The following NOP14 variants were observed in gnomAD, a reference collection of about 807,000 sequenced individuals.
The protein encoded by NOP14 is nucleolar protein 14.
NOP14 carries 57 observed loss-of-function variants against 101.6 expected under a neutral mutation model. The observed-to-expected ratio is 0.56, with a 90% CI of 0.45 to 0.70. The LOEUF (loss-of-function observed/expected upper bound fraction) is 0.70, where lower values mean the gene tolerates loss of function less well. Among genes scored for constraint, NOP14 ranks in the 30% least tolerant of loss-of-function variants. The pLI, the probability that NOP14 is intolerant of heterozygous loss-of-function variation, is 0.00. For synonymous variants in NOP14, 428 were observed against 424.0 expected (o/e 1.01, Z -0.12); for missense variants, 1,134 against 1,075.5 (o/e 1.05, Z -0.76).
Position 2,947,605 on chromosome 4 carries a change from A to C in NOP14, c.1420T>G (p.Phe474Val). 6.2e-7 allele frequency: 1 copy of C among 1,613,586 alleles called. No individual in the cohort carries two copies. Among genetic ancestry groups the C allele is most frequent in the South Asian group, 1.1e-5 (1 of 91,080 alleles). ...CCAACGTATTCCAAAAGAAAGCCAA[A>C]CAGTTTCTGCAGGAACATGAATTGG... ...EGNKAKLEKL[F>V]GFLLEYVGDL... The change falls in exon 10 of 18, where the codon TTT (phenylalanine) becomes GTT (valine). Residue 474 changes from phenylalanine (F) to valine (V), a missense_variant. By Grantham distance (50) the Phe-to-Val change is conservative (BLOSUM62 -1). Coordinates refer to ENST00000416614, the MANE Select transcript of NOP14 (RefSeq NM_001291978.2).
chr4:2,949,941 C>T lies in NOP14; in HGVS notation c.1275G>A (p.Thr425=), dbSNP rs371382151. 5.6e-6 allele frequency: 9 copies of T among 1,614,126 alleles called. No individual in the cohort carries two copies. In the East Asian group the frequency reaches 1.3e-4, roughly 24 times the overall value. Residue 425 remains threonine (T), a synonymous_variant, in exon 8 of 18, where the codon ACG becomes ACA. Coordinates refer to ENST00000416614, the MANE Select transcript of NOP14 (RefSeq NM_001291978.2). ...GKATRDELPY[T]FAAPESYEEL... is the part of the protein sequence containing the mutation. ...ACCCGCGCACTTGCCCACCTGCGAA[C>T]GTGTAGGGCAGCTCGTCTCTGGTAG...
chr4:2,945,660 A>G (rs1308097236), intron 11 of NOP14, among the ~76,000 whole-genome samples: 1 of 152,244 alleles, frequency 6.6e-6, no homozygotes, highest in Non-Finnish European at 1.5e-5. Context: ...CTGTTATAAA[A>G]TTGTTAAAAA....
Position 2,954,476 on chromosome 4 carries a change from T to A in NOP14, c.560A>T (p.Lys187Met). ...CTCTTCAATCAGCTCTTTCCGGGAC[T>A]TCGGTTTCTCCCGCTCCTCGCCTTC... ...QQEGEEREKP[K>M]SRKELIEELI... The change falls in exon 4 of 18, where the codon AAG (lysine) becomes ATG (methionine). Residue 187 changes from lysine (K) to methionine (M), a missense_variant. Coordinates refer to ENST00000416614, the MANE Select transcript of NOP14 (RefSeq NM_001291978.2). 1 of 1,614,198 alleles carries A rather than the reference T, an allele frequency of 6.2e-7. No individual in the cohort carries two copies. Among genetic ancestry groups the A allele is most frequent in the Non-Finnish European group, 8.5e-7 (1 of 1,180,018 alleles).
At position 2,952,404 on chromosome 4, in the gene NOP14, T is replaced by A. The variant is rs1715089545; in HGVS notation, c.748-7A>T. 1 of 1,572,452 alleles carries A rather than the reference T, an allele frequency of 6.4e-7. No individual in the cohort carries two copies. The highest frequency in any genetic ancestry group is 1.9e-5 in the Admixed American group (1 of 52,888). ...TCATGTCATATGCATCGGGCTAAGG[T>A]AGAAAGAAGAAATTCTTCATTTTAA... On this transcript the variant is annotated splice_region_variant and splice_polypyrimidine_tract_variant and intron_variant, in intron 5 of 17. Coordinates refer to ENST00000416614, the MANE Select transcript of NOP14 (RefSeq NM_001291978.2).
At chr4:2,946,185 A>G (rs868756472) in intron 11 of NOP14, among the ~76,000 whole-genome samples, 1 of 83,960 alleles carries the variant, frequency 1.2e-5, no homozygotes, top group East Asian at 3.1e-4. Context: ...GATCACCCTC[A>G]CTGCCGTGCA....
intron 7 of NOP14, chr4:2,950,643 C>T (rs186865620): frequency 5.3e-4 from 110 of 207,232 alleles, no homozygotes; most frequent in Non-Finnish European, 8.8e-5. Context: ...TTCCCTGGAC[C>T]CTGACTGATA....
intron 15 of NOP14, among the ~76,000 whole-genome samples, chr4:2,939,950 C>T (rs1424879081): frequency 7.2e-5 from 11 of 152,232 alleles, no homozygotes; most frequent in Non-Finnish European, 1.5e-5. Flanking sequence ...TCACCATAGC[C>T]TGTGCTCCTC....
chr4:2,939,938 G>T (rs1714023906), intron 15 of NOP14, among the ~76,000 whole-genome samples: 5 of 152,228 alleles, frequency 3.3e-5, no homozygotes, highest in Admixed American at 3.3e-4. Context: ...GGGAGTTGGA[G>T]GTCACCATAG....
At chr4:2,943,400 A>G (rs1714368827) in intron 13 of NOP14, among the ~76,000 whole-genome samples, 1 of 152,232 alleles carries the variant, frequency 6.6e-6, no homozygotes, top group Non-Finnish European at 1.5e-5. Context: ...GACATGGAAG[A>G]GCTCAGGAAG....
At chr4:2,948,850 C>G (rs1392921934) in intron 8 of NOP14, among the ~76,000 whole-genome samples, 1 of 152,246 alleles carries the variant, frequency 6.6e-6, no homozygotes, top group Non-Finnish European at 1.5e-5. Flanking sequence ...ACAAACCCAC[C>G]AGCGTTTGCC....
rs746090592 is a variant in NOP14 at position 2,963,117 on chromosome 4, C to G, written c.195+8G>C. 9.7e-6 allele frequency: 15 copies of G among 1,541,120 alleles called. No individual in the cohort carries two copies. The highest frequency in any genetic ancestry group is 2.1e-5 in the Admixed American group (1 of 48,248). ...TGCCTTCCGGCTCCCCGTGCGCCCC[C>G]CGCTTACCTTCCTGAGGGCCCGTGC... On this transcript the variant is annotated splice_region_variant and intron_variant, in intron 1 of 17. Transcript: ENST00000416614.
At position 2,963,270 on chromosome 4, in the gene NOP14, G is replaced by A; in HGVS notation, c.50C>T (p.Pro17Leu). The A allele has an allele frequency of 6.3e-7, 1 of 1,590,958 alleles. No individual in the cohort carries two copies. The highest frequency in any genetic ancestry group is 8.5e-7 in the Non-Finnish European group (1 of 1,171,230). Residue 17 changes from proline to leucine, a missense_variant, in exon 1 of 18, where the codon CCG becomes CTG. Coordinates refer to ENST00000416614, the MANE Select transcript of NOP14 (RefSeq NM_001291978.2). ...CGCCGGGCCCCCTCGCGCTCCCGCC[G>A]GCGCCCCGGAGGCCTTCCTTCGCGC... ...VGARRKASGA[P>L]AGARGGPAKA...
In NOP14 at chr4:2,948,352, G is replaced by C. The variant is rs1021596641; in HGVS notation, c.1339C>G (p.Gln447Glu). 1.9e-6 allele frequency: 3 copies of C among 1,612,028 alleles called. No individual in the cohort carries two copies. In the African/African-American group the frequency reaches 4.0e-5, roughly 22 times the overall value. Residue 447 changes from glutamine (Q) to glutamate (E), a missense_variant, in exon 9 of 18, where the codon CAG becomes GAG. Coordinates refer to ENST00000416614, the MANE Select transcript of NOP14 (RefSeq NM_001291978.2). The part of the protein sequence containing the change: ...SLLLGRSMEE[Q>E]LLVVERIQKC... Reference sequence around the variant, plus strand: ...TGAATTCTCTCCACCACCAAAAGCTGCTCTTCCATCGATCTTCCTAACAAC... The same window carrying C: ...TGAATTCTCTCCACCACCAAAAGCTCCTCTTCCATCGATCTTCCTAACAAC...
intron 1 of NOP14, among the ~76,000 whole-genome samples, chr4:2,960,753 A>ATTAATATT (rs1560310727): frequency 7.7e-6 from 1 of 130,104 alleles, no homozygotes. Flanking sequence ...TTAATATTAT[A>ATTAATATT]ATCACATTAA....
chr4:2,944,155 A>T lies in NOP14; in HGVS notation c.1809T>A (p.Ala603=), dbSNP rs780604568. ...FVCCLFLEYV[A]LSQRFIPELI... ...GCTCAGGTATAAACCTCTGGGACAA[A>T]GCCACATACTCCAGGAACAGGCAGC... is the stretch of plus-strand genomic sequence containing the variant. Residue 603 remains alanine, a synonymous_variant, in exon 13 of 18, where the codon GCT becomes GCA. Coordinates refer to ENST00000416614, the MANE Select transcript of NOP14 (RefSeq NM_001291978.2). The T allele has an allele frequency of 6.2e-7, 1 of 1,614,082 alleles. No homozygotes were observed. Among genetic ancestry groups the T allele is most frequent in the South Asian group, 1.1e-5 (1 of 91,074 alleles).
At chr4:2,941,775 C>T in intron 14 of NOP14, 46 bp from the exon 15 acceptor site, 1 of 1,588,622 alleles carries the variant, frequency 6.3e-7, no homozygotes, top group Non-Finnish European at 8.6e-7. Context: ...TTCTGTTTGT[C>T]ACTGACAAAA....
intron 15 of NOP14, 186 bp downstream of exon 15, chr4:2,941,396 C>T (rs1394124387): frequency 8.3e-6 from 5 of 604,104 alleles, no homozygotes; most frequent in Non-Finnish European, 1.4e-5. Flanking sequence ...CTGCTTTACT[C>T]CAGCCCAGCA....
rs1263092944 is a variant in NOP14, at chr4:2,960,858, A to C, written c.195+2267T>G. 1.4e-4 allele frequency among the ~76,000 whole-genome samples: 15 copies of C among 103,548 alleles called. No homozygotes were observed. The Admixed American group carries it at 1.5e-3, about 10-fold the overall frequency. 67.9% of individuals were successfully genotyped at this position (103,548 alleles called of 152,430 possible). A position where few individuals can be genotyped will look rare whatever the true frequency, so the allele number is the denominator to read the frequency against. On this transcript the variant is annotated intron_variant, in intron 1 of 17. Coordinates refer to ENST00000416614, the MANE Select transcript of NOP14 (RefSeq NM_001291978.2). ...TTAATATTATAATCACATTATCAAT[A>C]TATTAATATTATAATTACATTATTA...
At chr4:2,949,332 C>G (rs1714860673) in intron 8 of NOP14, among the ~76,000 whole-genome samples, 1 of 152,120 alleles carries the variant, frequency 6.6e-6, no homozygotes, top group African/African-American at 2.4e-5. Flanking sequence ...GCCTCCTGAC[C>G]AGCTAGGAAC....
Sources: gnomAD v4.1 joint callset for allele counts (sites outside exome capture counted in the v4.1 genomes callset) on GRCh38, gnomAD v4.1.1 for gene constraint, MANE v1.5 for transcripts, NCBI Gene and HGNC (gene_info 2026-07-23, HGNC 2026-07-21) for gene names.